The following RYK variants were observed in gnomAD, a reference collection of about 807,000 sequenced individuals.
RYK encodes the protein receptor like tyrosine kinase.
In RYK, 21 loss-of-function variants were observed where a neutral mutation model predicts 70.2. The ratio of observed to expected loss-of-function variants is 0.30; its 90% CI spans 0.21 to 0.43. RYK has a LOEUF of 0.43. Among genes scored for constraint, RYK ranks in the 20% least tolerant of loss-of-function variants. The pLI, the probability that RYK is intolerant of heterozygous loss-of-function variation, is 1.00. For missense variants in RYK, 604 were observed against 753.3 expected (o/e 0.80, Z 2.32); for synonymous variants, 267 against 278.0 (o/e 0.96, Z 0.39).
intron 1 of RYK, among the ~76,000 whole-genome samples, chr3:134,225,570 A>G (rs1282169247): frequency 2.0e-5 from 3 of 152,190 alleles, no homozygotes; most frequent in Non-Finnish European, 4.4e-5. Context: ...CAAAAGATCA[A>G]AACAGTTGGG....
chr3:134,237,471 T>C (rs2015224042), intron 1 of RYK, among the ~76,000 whole-genome samples: 1 of 152,166 alleles, frequency 6.6e-6, no homozygotes, highest in Non-Finnish European at 1.5e-5. Context: ...AAAAGTCAAC[T>C]ACATCAAAGA....
At chr3:134,189,503 G>C (rs747282712) in intron 8 of RYK, among the ~76,000 whole-genome samples, 1 of 152,096 alleles carries the variant, frequency 6.6e-6, no homozygotes, top group Non-Finnish European at 1.5e-5. Flanking sequence ...GCTCACGCCT[G>C]TAATCCCAGC....
rs76452539 is a variant in RYK, at chr3:134,194,022, T to C, written c.889+1060A>G. Among the ~76,000 whole-genome samples the C allele has an allele frequency of 2.4e-3, 367 of 152,336 alleles. 1 individual carries two copies. Among genetic ancestry groups the C allele is most frequent in the African/African-American group, 8.5e-3 (354 of 41,578 alleles). On this transcript the variant is annotated intron_variant, in intron 7 of 14. Transcript: ENST00000623711. The stretch of plus-strand genomic sequence containing the variant: ...GTGTATTCAGGTGGTGACAGCCTGA[T>C]CCCTCAATGGCAGAGTTCCCCATTT...
At chr3:134,244,927 T>C (rs2015418040) in intron 1 of RYK, among the ~76,000 whole-genome samples, 1 of 152,182 alleles carries the variant, frequency 6.6e-6, no homozygotes, top group Non-Finnish European at 1.5e-5. Context: ...CGTTTGCCCC[T>C]TCCACCATGT....
At chr3:134,250,374 GC>G (rs1204052964) in intron 1 of RYK, 48 bp downstream of exon 1, 3 of 1,236,162 alleles carry the variant, frequency 2.4e-6, no homozygotes, top group South Asian at 4.0e-5. Flanking sequence ...GCCGGAAGCT[GC>G]CCCAGCCGGC....
chr3:134,207,513 ACTTC>A lies in RYK; in HGVS notation c.598_601del (p.Glu200Ter). 3 of 1,540,830 alleles carry A rather than the reference ACTTC, an allele frequency of 1.9e-6. No homozygotes were observed. Among genetic ancestry groups the A allele is most frequent in the Non-Finnish European group, 2.6e-6 (3 of 1,139,756 alleles). On this transcript the variant is annotated frameshift_variant, in exon 5 of 15. Coordinates refer to ENST00000623711, the MANE Select transcript of RYK (RefSeq NM_002958.4). LOFTEE classifies it high-confidence loss of function. ...GTTTTTGTCCAAGGCTGAAGTTTTT[ACTTC>A]TTCAAGTTCTGAATTTAAAGGAGAA... is the stretch of plus-strand genomic sequence containing the variant.
Position 134,178,184 on chromosome 3 carries a change from C to T in RYK, c.1173-111G>A, listed in dbSNP as rs544185168. Reference sequence around the variant, plus strand: ...ACAAAATCCCCAAAATACTTAAAAACATGATTACCATTAAAAATGTAAAAT... The same window carrying T: ...ACAAAATCCCCAAAATACTTAAAAATATGATTACCATTAAAAATGTAAAAT... On this transcript the variant is annotated intron_variant, in intron 10 of 14. Coordinates refer to ENST00000623711, the MANE Select transcript of RYK (RefSeq NM_002958.4). 10 of 754,278 alleles carry T rather than the reference C, an allele frequency of 1.3e-5. No individual in the cohort carries two copies. In the South Asian group the frequency reaches 1.8e-4, roughly 14 times the overall value. The allele number at this position is 754,278 out of a possible 1,614,324, so 46.7% of individuals were successfully genotyped here.
At chr3:134,159,771 C>T (rs947020848) in intron 13 of RYK, among the ~76,000 whole-genome samples, 7 of 152,074 alleles carry the variant, frequency 4.6e-5, no homozygotes, top group East Asian at 3.9e-4. Context: ...AAGTGAAATA[C>T]GCAAATGAGG....
intron 6 of RYK, chr3:134,202,425 CAG>C (rs1426466031): frequency 4.2e-5 from 11 of 259,604 alleles, no homozygotes; most frequent in African/African-American, 1.6e-4. Flanking sequence ...AAGGAAGAAA[CAG>C]GGCTATTTTG....
At chr3:134,180,651 T>C (rs1048405488) in intron 10 of RYK, 3 of 152,156 alleles carry the variant, frequency 2.0e-5, no homozygotes, top group Admixed American at 6.5e-5. Flanking sequence ...CTATGAACAG[T>C]CTATACATAT....
chr3:134,194,259 C>T (rs1359886284), intron 7 of RYK, among the ~76,000 whole-genome samples: 1 of 152,218 alleles, frequency 6.6e-6, no homozygotes, highest in Non-Finnish European at 1.5e-5. Context: ...GAGCCTTAGT[C>T]ACCTCTCATA....
At chr3:134,181,630 T>C (rs761454241) in intron 10 of RYK, 1 of 152,202 alleles carries the variant, frequency 6.6e-6, no homozygotes, top group Non-Finnish European at 1.5e-5. Flanking sequence ...ACAGAAACTA[T>C]ATTTTTTCAG....
Position 134,157,875 on chromosome 3 carries a change from T to C in RYK, c.*278A>G, listed in dbSNP as rs1412724837. Reference sequence around the variant, plus strand: ...AAACTGTTTATTTATTTTGTAAGAATGTACCCCTAGTCCAAAGTAAGTATG... The same window carrying C: ...AAACTGTTTATTTATTTTGTAAGAACGTACCCCTAGTCCAAAGTAAGTATG... On this transcript the variant is annotated 3_prime_UTR_variant, in exon 15 of 15. Coordinates refer to ENST00000623711, the MANE Select transcript of RYK (RefSeq NM_002958.4). 3.5e-6 allele frequency: 1 copy of C among 283,274 alleles called. No homozygotes were observed. The highest frequency in any genetic ancestry group is 6.5e-6 in the Non-Finnish European group (1 of 154,334). The allele number at this position is 283,274 out of a possible 1,614,324, so 17.5% of individuals were successfully genotyped here. A position where few individuals can be genotyped will look rare whatever the true frequency, so the allele number is the denominator to read the frequency against.
intron 1 of RYK, among the ~76,000 whole-genome samples, chr3:134,225,323 A>G (rs1405501510): frequency 6.6e-6 from 1 of 152,230 alleles, no homozygotes; most frequent in Non-Finnish European, 1.5e-5. Context: ...AGAAAATTAC[A>G]TGAGGCAGTA....
Position 134,175,997 on chromosome 3 carries a change from C to T in RYK, c.1348G>A (p.Ala450Thr), listed in dbSNP as rs1372507434. ...CTGGCCAGGTAGCTCATTCCACAGGCAATCTGAATAGCCATGTGTACCAGG... is the reference window on the plus strand; with the variant it reads ...CTGGCCAGGTAGCTCATTCCACAGGTAATCTGAATAGCCATGTGTACCAGG... ...QDLVHMAIQI[A>T]CGMSYLARRE... Residue 450 changes from alanine (A) to threonine (T), a missense_variant, in exon 12 of 15, where the codon GCC (alanine) becomes ACC (threonine). Physicochemically the swap from Ala to Thr is moderately conservative, Grantham distance 58 (BLOSUM62 0). Coordinates refer to ENST00000623711, the MANE Select transcript of RYK (RefSeq NM_002958.4). 17 of 1,607,442 alleles carry T rather than the reference C, an allele frequency of 1.1e-5. No homozygotes were observed. Among genetic ancestry groups the T allele is most frequent in the Non-Finnish European group, 1.4e-5 (17 of 1,176,712 alleles).
chr3:134,168,906 TACA>T (rs766961511), intron 13 of RYK, among the ~76,000 whole-genome samples: 1 of 152,138 alleles, frequency 6.6e-6, no homozygotes, highest in Non-Finnish European at 1.5e-5. Flanking sequence ...TCGCTCAGGA[TACA>T]ACAAGCACTG....
intron 13 of RYK, among the ~76,000 whole-genome samples, chr3:134,163,198 T>A (rs1332060174): frequency 6.6e-6 from 1 of 152,162 alleles, no homozygotes; most frequent in African/African-American, 2.4e-5. Flanking sequence ...CAGTTTCATT[T>A]CCTTAAAAAC....
chr3:134,249,198 C>T lies in RYK; in HGVS notation c.232+1225G>A, dbSNP rs370763884. 3.3e-5 allele frequency among the ~76,000 whole-genome samples: 5 copies of T among 152,310 alleles called. No individual in the cohort carries two copies. The East Asian group carries it at 7.7e-4, about 23-fold the overall frequency. ...AGTTTTAATTCAGCTAAACTACATT[C>T]AGCTAACTCAGCTAGACTAAGAAGG... On this transcript the variant is annotated intron_variant, in intron 1 of 14. Coordinates refer to ENST00000623711, the MANE Select transcript of RYK (RefSeq NM_002958.4).
chr3:134,172,646 T>C (rs1171654824), intron 13 of RYK, among the ~76,000 whole-genome samples: 1 of 151,946 alleles, frequency 6.6e-6, no homozygotes, highest in Non-Finnish European at 1.5e-5. Flanking sequence ...TTTCTCTCCC[T>C]AAAAAAAAGC....
Sources: gnomAD v4.1 joint callset for allele counts (sites outside exome capture counted in the v4.1 genomes callset) on GRCh38, gnomAD v4.1.1 for gene constraint, MANE v1.5 for transcripts, NCBI Gene and HGNC (gene_info 2026-07-23, HGNC 2026-07-21) for gene names.